PFKFB3: variants seen among roughly 807,000 people sequenced by gnomAD.
PFKFB3 encodes 6-phosphofructo-2-kinase/fructose-2,6-bisphosphatase 3.
PFKFB3 carries 33 observed loss-of-function variants against 68.0 expected under a neutral mutation model. The ratio of observed to expected loss-of-function variants is 0.49; its 90% CI spans 0.37 to 0.65. The LOEUF (loss-of-function observed/expected upper bound fraction) is 0.65. Ranked by LOEUF, PFKFB3 falls within the 30% of genes least tolerant of loss-of-function variation. The pLI, the probability that PFKFB3 is intolerant of heterozygous loss-of-function variation, is 0.00. For missense variants in PFKFB3, 586 were observed against 712.2 expected, an observed-to-expected ratio of 0.82 and a Z score of 2.02; for synonymous variants, 315 against 288.2, an observed-to-expected ratio of 1.09 and a Z score of -0.94.
intron 13 of PFKFB3, chr10:6,224,423 C>T (rs1588523833): frequency 1.6e-6 from 1 of 633,048 alleles, no homozygotes; most frequent in East Asian, 2.7e-5. Context: ...CTTCCTGTGT[C>T]CTCTTCCTCC....
At chr10:6,205,618 C>T (rs1291471602) in intron 1 of PFKFB3, among the ~76,000 whole-genome samples, 1 of 151,934 alleles carries the variant, frequency 6.6e-6, no homozygotes, top group Admixed American at 6.6e-5. Flanking sequence ...GTCTTGAACT[C>T]CTGACCTCAA....
At chr10:6,269,079 T>C in the PFKFB3 span, among the ~76,000 whole-genome samples, 1 of 151,978 alleles carries the variant, frequency 6.6e-6, no homozygotes, top group East Asian at 1.9e-4. Flanking sequence ...TTTTTAATTA[T>C]TTACTGCTAG....
chr10:6,147,194 C>A (rs1841419701), intron 1 of PFKFB3, among the ~76,000 whole-genome samples: 1 of 152,210 alleles, frequency 6.6e-6, no homozygotes, highest in South Asian at 2.1e-4. Context: ...GCACGTCAAC[C>A]CTGCACTGAC....
intron 1 of PFKFB3, among the ~76,000 whole-genome samples, chr10:6,176,051 C>A (rs1287417651): frequency 6.6e-6 from 1 of 152,202 alleles, no homozygotes; most frequent in Non-Finnish European, 1.5e-5. Context: ...TGAGAGCCCC[C>A]AAACGGAAAG....
the PFKFB3 span, among the ~76,000 whole-genome samples, chr10:6,302,307 G>A: frequency 4.7e-5 from 7 of 148,358 alleles, no homozygotes; most frequent in South Asian, 2.1e-4. Context: ...CACCTGCCTC[G>A]GCCTCCCAAA....
the PFKFB3 span, among the ~76,000 whole-genome samples, chr10:6,307,603 T>G: frequency 2.7e-5 from 4 of 149,022 alleles, no homozygotes; most frequent in African/African-American, 9.9e-5. Flanking sequence ...TTTCTCCCTT[T>G]CCTTCTTTCT....
At chr10:6,304,737 C>G in the PFKFB3 span, among the ~76,000 whole-genome samples, 1 of 147,336 alleles carries the variant, frequency 6.8e-6, no homozygotes, top group Admixed American at 6.9e-5. Context: ...CCCAGGCTGG[C>G]CTTGAACTCC....
the PFKFB3 span, among the ~76,000 whole-genome samples, chr10:6,312,009 A>G: frequency 1.3e-5 from 2 of 152,188 alleles, no homozygotes. Context: ...GTTCATAAGA[A>G]TCGGGGGCAG....
the PFKFB3 span, among the ~76,000 whole-genome samples, chr10:6,274,233 A>G: frequency 2.6e-5 from 4 of 152,006 alleles, no homozygotes; most frequent in South Asian, 8.3e-4. Context: ...CTGTTGTGTA[A>G]GTCCCTCCAT....
At chr10:6,158,603 C>G (rs117435716) in intron 1 of PFKFB3, among the ~76,000 whole-genome samples, 4 of 152,098 alleles carry the variant, frequency 2.6e-5, no homozygotes, top group Non-Finnish European at 5.9e-5. Context: ...CGGTAGCTCA[C>G]GCCTGTAATC....
At chr10:6,206,557 A>G (rs1403154843) in intron 1 of PFKFB3, among the ~76,000 whole-genome samples, 1 of 72,424 alleles carries the variant, frequency 1.4e-5, no homozygotes, top group Non-Finnish European at 2.7e-5. Context: ...CACCTCCCGG[A>G]CGGGGCGGCT....
chr10:6,204,466 G>A (rs574571470), intron 1 of PFKFB3, among the ~76,000 whole-genome samples: 2 of 152,230 alleles, frequency 1.3e-5, no homozygotes, highest in Non-Finnish European at 2.9e-5. Context: ...CTCTCCTGGA[G>A]CCCTGCTCGG....
intron 1 of PFKFB3, among the ~76,000 whole-genome samples, chr10:6,177,443 T>TCTTC (rs1588426195): frequency 7.3e-5 from 8 of 109,662 alleles, no homozygotes; most frequent in South Asian, 3.1e-4. Flanking sequence ...TCTTTCTCTT[T>TCTTC]CTTTCTTTCT....
the PFKFB3 span, among the ~76,000 whole-genome samples, chr10:6,280,475 T>A: frequency 6.6e-6 from 1 of 152,226 alleles, no homozygotes; most frequent in East Asian, 1.9e-4. Flanking sequence ...TGCTCACCAA[T>A]ATCCTGTGTT....
At chr10:6,232,766 G>T in intron 14 of PFKFB3, 129 bp from the exon 15 acceptor site, 1 of 764,552 alleles carries the variant, frequency 1.3e-6, no homozygotes, top group Non-Finnish European at 2.2e-6. Context: ...ACCTTTCTTG[G>T]ATCATGTTCT....
chr10:6,299,313 T>C, the PFKFB3 span, among the ~76,000 whole-genome samples: 2 of 152,214 alleles, frequency 1.3e-5, no homozygotes, highest in Non-Finnish European at 1.5e-5. Flanking sequence ...GGTAGGATTC[T>C]TCCCCAGGCA....
the PFKFB3 span, among the ~76,000 whole-genome samples, chr10:6,312,421 A>C: frequency 6.6e-6 from 1 of 152,296 alleles, no homozygotes; most frequent in African/African-American, 2.4e-5. Flanking sequence ...GCTCTAATGA[A>C]ATACCTACTG....
intron 1 of PFKFB3, among the ~76,000 whole-genome samples, chr10:6,195,325 G>T (rs1158510242): frequency 1.3e-5 from 2 of 152,170 alleles, no homozygotes; most frequent in African/African-American, 4.8e-5. Context: ...GTTCCATCGG[G>T]TTTATCTGGG....
chr10:6,166,937 C>A (rs2131731866), intron 1 of PFKFB3, among the ~76,000 whole-genome samples: 1 of 150,982 alleles, frequency 6.6e-6, no homozygotes, highest in East Asian at 2.0e-4. Context: ...TAAAGCAATT[C>A]TCCTGTCTCA....
Sources: allele counts gnomAD v4.1 joint callset (sites outside exome capture counted in the v4.1 genomes callset), GRCh38; gene constraint gnomAD v4.1.1; transcripts MANE v1.5; gene names NCBI Gene and HGNC (gene_info 2026-07-23, HGNC 2026-07-21).